The following CSMD1 variants were observed in gnomAD, a reference collection of about 807,000 sequenced individuals.
CSMD1 encodes the protein CUB and sushi domain-containing protein 1.
Under a neutral mutation model 417.5 loss-of-function variants are expected in CSMD1, and 213 were observed. That is an observed-to-expected ratio of 0.51 (90% CI 0.46 to 0.57). The LOEUF is 0.57. CSMD1 is among the 20% of genes least tolerant of loss of function. CSMD1 has a pLI of 0.00. For missense variants in CSMD1, 6,923 were observed against 4,529.7 expected (o/e 1.53, Z -15.17); for synonymous variants, 2,862 against 1,736.8 (o/e 1.65, Z -16.11).
chr8:3,907,934 T>C (rs779844943), intron 5 of CSMD1, among the ~76,000 whole-genome samples: 4 of 152,262 alleles, frequency 2.6e-5, no homozygotes, highest in East Asian at 1.9e-4. Flanking sequence ...CATTCACTGA[T>C]TGATTTTTTT....
At chr8:3,464,144 A>C (rs1816670625) in intron 12 of CSMD1, among the ~76,000 whole-genome samples, 1 of 152,202 alleles carries the variant, frequency 6.6e-6, no homozygotes, top group South Asian at 2.1e-4. Context: ...TAGCTACGGC[A>C]AATTACATGA....
At chr8:4,569,758 C>G (rs201817495) in intron 2 of CSMD1, among the ~76,000 whole-genome samples, 2 of 152,102 alleles carry the variant, frequency 1.3e-5, no homozygotes, top group East Asian at 3.9e-4. Flanking sequence ...AATATTGATT[C>G]TTTCTATCCA....
At chr8:3,344,027 G>A (rs1424738358) in intron 22 of CSMD1, among the ~76,000 whole-genome samples, 4 of 152,138 alleles carry the variant, frequency 2.6e-5, no homozygotes, top group Non-Finnish European at 4.4e-5. Flanking sequence ...ACAGAAGTGT[G>A]ATGTTGCTTA....
chr8:4,000,438 G>A (rs1468213805), intron 4 of CSMD1, among the ~76,000 whole-genome samples: 1 of 152,194 alleles, frequency 6.6e-6, no homozygotes, highest in Non-Finnish European at 1.5e-5. Flanking sequence ...ATAAGAGGAA[G>A]AACATATTCC....
At chr8:3,733,523 C>CG (rs1194657722) in intron 6 of CSMD1, among the ~76,000 whole-genome samples, 4 of 152,100 alleles carry the variant, frequency 2.6e-5, no homozygotes, top group Middle Eastern at 3.4e-3. Flanking sequence ...AAATATTCAA[C>CG]GAAAAATTTC....
chr8:3,458,767 G>A (rs1364703065), intron 12 of CSMD1, among the ~76,000 whole-genome samples: 1 of 152,026 alleles, frequency 6.6e-6, no homozygotes, highest in East Asian at 1.9e-4. Flanking sequence ...TTACTAAATG[G>A]CTCACCAAGA....
chr8:4,417,552 T>A (rs972356563), intron 3 of CSMD1, among the ~76,000 whole-genome samples: 3 of 152,046 alleles, frequency 2.0e-5, no homozygotes, highest in Non-Finnish European at 4.4e-5. Context: ...ATATGAAAGT[T>A]CATTTTATAT....
chr8:4,588,431 T>C (rs186756496), intron 2 of CSMD1, among the ~76,000 whole-genome samples: 103 of 148,660 alleles, frequency 6.9e-4, no homozygotes, highest in Non-Finnish European at 1.4e-3. Context: ...TTCCTCTAGA[T>C]AGTACAGCCA....
intron 52 of CSMD1, among the ~76,000 whole-genome samples, chr8:3,011,586 T>C (rs1313275163): frequency 6.6e-6 from 1 of 152,206 alleles, no homozygotes; most frequent in African/African-American, 2.4e-5. Flanking sequence ...TCCTCATGGT[T>C]ATAATAGCGC....
intron 6 of CSMD1, among the ~76,000 whole-genome samples, chr8:3,732,331 G>T (rs972801087): frequency 1.3e-5 from 2 of 152,170 alleles, no homozygotes; most frequent in Non-Finnish European, 2.9e-5. Flanking sequence ...CATTTAACCT[G>T]TGTGGATCAC....
intron 3 of CSMD1, among the ~76,000 whole-genome samples, chr8:4,100,533 G>A (rs1022980091): frequency 1.3e-5 from 2 of 152,182 alleles, no homozygotes; most frequent in African/African-American, 4.8e-5. Flanking sequence ...TCTTATAGAA[G>A]TGTTGAAGGA....
At chr8:4,959,078 G>C (rs1269062454) in intron 1 of CSMD1, among the ~76,000 whole-genome samples, 3 of 152,170 alleles carry the variant, frequency 2.0e-5, no homozygotes, top group East Asian at 3.9e-4. Flanking sequence ...ATTTCATCTA[G>C]AGGGAAATAG....
At chr8:4,389,581 G>A (rs1049087662) in intron 3 of CSMD1, among the ~76,000 whole-genome samples, 1 of 152,090 alleles carries the variant, frequency 6.6e-6, no homozygotes, top group Non-Finnish European at 1.5e-5. Flanking sequence ...AGATGTTTAA[G>A]AAATAAAACA....
intron 49 of CSMD1, among the ~76,000 whole-genome samples, chr8:3,065,228 T>C (rs1812846015): frequency 6.6e-6 from 1 of 151,916 alleles, no homozygotes. Context: ...TGACAGATGA[T>C]AGAGTAGATA....
intron 52 of CSMD1, among the ~76,000 whole-genome samples, chr8:3,001,543 T>C (rs900611489): frequency 6.6e-6 from 1 of 152,226 alleles, no homozygotes; most frequent in African/African-American, 2.4e-5. Context: ...ATCATCTTTG[T>C]CACTCTCCTA....
At chr8:4,561,665 C>G (rs771386745) in intron 2 of CSMD1, among the ~76,000 whole-genome samples, 4 of 151,990 alleles carry the variant, frequency 2.6e-5, no homozygotes, top group Non-Finnish European at 5.9e-5. Flanking sequence ...CTGGATGACA[C>G]AGTGAGACTC....
At chr8:4,949,525 G>A (rs530850884) in intron 1 of CSMD1, among the ~76,000 whole-genome samples, 2 of 152,148 alleles carry the variant, frequency 1.3e-5, no homozygotes, top group Non-Finnish European at 1.5e-5. Flanking sequence ...GGGATATGCT[G>A]CAATGTCCAG....
At chr8:3,455,454 T>C (rs1395818098) in intron 12 of CSMD1, among the ~76,000 whole-genome samples, 1 of 152,206 alleles carries the variant, frequency 6.6e-6, no homozygotes, top group Non-Finnish European at 1.5e-5. Flanking sequence ...TATCTTCCTT[T>C]GGTCTTTGAT....
At chr8:4,441,557 A>T (rs1798484704) in intron 2 of CSMD1, among the ~76,000 whole-genome samples, 3 of 152,180 alleles carry the variant, frequency 2.0e-5, no homozygotes, top group Non-Finnish European at 4.4e-5. Flanking sequence ...AAGCACATGA[A>T]AGCCTATCTC....
Sources: allele counts gnomAD v4.1 joint callset (sites outside exome capture counted in the v4.1 genomes callset), GRCh38; gene constraint gnomAD v4.1.1; transcripts MANE v1.5; gene names NCBI Gene and HGNC (gene_info 2026-07-23, HGNC 2026-07-21).